EXOC2: variants seen among roughly 807,000 people sequenced by gnomAD.
EXOC2 encodes the protein SEC5-like 1.
In EXOC2, 70 loss-of-function variants were observed where a neutral mutation model predicts 131.8. The ratio of observed to expected loss-of-function variants is 0.53; its 90% confidence interval spans 0.44 to 0.65. The LOEUF (loss-of-function observed/expected upper bound fraction) is 0.65. Ranked by LOEUF, EXOC2 falls within the 30% of genes least tolerant of loss-of-function variation. EXOC2 has a pLI of 0.00. For synonymous variants in EXOC2, 411 were observed against 398.4 expected, an observed-to-expected ratio of 1.03 and a Z score of -0.38; for missense variants, 923 against 1,108.6, an observed-to-expected ratio of 0.83 and a Z score of 2.38.
intron 1 of EXOC2, among the ~76,000 whole-genome samples, chr6:690,347 C>A (rs1444095576): frequency 3.3e-5 from 5 of 152,260 alleles, no homozygotes; most frequent in Non-Finnish European, 4.4e-5. Flanking sequence ...CAGAACAAGA[C>A]CCCCTTTCAA....
chr6:487,667 A>C (rs1306955296), intron 27 of EXOC2, among the ~76,000 whole-genome samples: 2 of 152,058 alleles, frequency 1.3e-5, no homozygotes, highest in Non-Finnish European at 2.9e-5. Flanking sequence ...AGCCTCCCAA[A>C]GTGCTGGGAT....
chr6:504,331 T>C (rs1000086600), intron 23 of EXOC2, among the ~76,000 whole-genome samples: 3 of 152,244 alleles, frequency 2.0e-5, no homozygotes, highest in South Asian at 4.1e-4. Context: ...GCATCCGTTA[T>C]GGAAGCGGCT....
At chr6:666,056 T>C (rs531040052) in intron 1 of EXOC2, among the ~76,000 whole-genome samples, 2 of 152,356 alleles carry the variant, frequency 1.3e-5, no homozygotes, top group East Asian at 3.9e-4. Context: ...CATCTAAGGC[T>C]GCTTTCTCAC....
Position 491,132 on chromosome 6 carries a change from CG to C in EXOC2, c.2613del (p.Glu872LysfsTer29). ...AAGAACACTGCCACTTACTTGCTTT[CG>C]GGTGTCAGGTAAACAGCCACAGTGT... ...LRDTVAVYLTPESKSSFKQAL... is the reference protein window; with the variant it reads ...LRDTVAVYLTXESKSSFKQAL... On this transcript the variant is annotated frameshift_variant, in exon 26 of 28. Transcript: ENST00000230449. LOFTEE classifies it high-confidence loss of function. 1 of 1,614,092 alleles carries C rather than the reference CG, an allele frequency of 6.2e-7. No homozygotes were observed. The highest frequency in any genetic ancestry group is 1.1e-5 in the South Asian group (1 of 91,066).
intron 11 of EXOC2, among the ~76,000 whole-genome samples, chr6:588,048 G>A (rs1169855300): frequency 2.0e-5 from 3 of 152,162 alleles, no homozygotes; most frequent in Admixed American, 6.5e-5. Flanking sequence ...TGAAGTCAGC[G>A]TGAGTACATG....
intron 25 of EXOC2, among the ~76,000 whole-genome samples, chr6:491,770 CAATCTTAGAGT>C (rs1763449414): frequency 6.6e-6 from 1 of 152,198 alleles, no homozygotes; most frequent in African/African-American, 2.4e-5. Context: ...ACAGCCAAAA[CAATCTTAGAGT>C]AACACATTTA....
At chr6:608,218 C>G (rs1760524623) in intron 7 of EXOC2, among the ~76,000 whole-genome samples, 1 of 152,238 alleles carries the variant, frequency 6.6e-6, no homozygotes, top group Admixed American at 6.5e-5. Context: ...AACTACGAAC[C>G]CGCCTGGGCG....
chr6:658,429 A>G (rs1016541441), intron 1 of EXOC2, among the ~76,000 whole-genome samples: 1 of 151,978 alleles, frequency 6.6e-6, no homozygotes, highest in Non-Finnish European at 1.5e-5. Context: ...CACCAGCCTG[A>G]TATAGTACAT....
rs1762159246 is a variant in EXOC2 at position 637,604 on chromosome 6, T to C, written c.118+97A>G. On this transcript the variant is annotated intron_variant, in intron 2 of 27. Coordinates refer to ENST00000230449, the MANE Select transcript of EXOC2 (RefSeq NM_018303.6). ...TCTGTAGAGATCACAAAGATGTTTG[T>C]TCTATCACCTTCACTGTTTGAAAAT... is the stretch of plus-strand genomic sequence containing the variant. The C allele has an allele frequency of 4.5e-6, 4 of 881,390 alleles. No individual in the cohort carries two copies. In the South Asian group the frequency reaches 7.4e-5, roughly 16 times the overall value. 54.6% of individuals were successfully genotyped at this position (881,390 alleles called of 1,614,324 possible).
At position 551,449 on chromosome 6, in the gene EXOC2, C is replaced by A. The variant is rs527637079; in HGVS notation, c.2122-2158G>T. 2.6e-5 allele frequency among the ~76,000 whole-genome samples: 4 copies of A among 152,304 alleles called. No individual in the cohort carries two copies. The South Asian group carries it at 8.3e-4, about 32-fold the overall frequency. ...GAGACTAAGGCAGGAGAGAGGAGGC[C>A]CTGCAACCTGCAGAGACACATGTGA... On this transcript the variant is annotated intron_variant, in intron 21 of 27. Coordinates refer to ENST00000230449, the MANE Select transcript of EXOC2 (RefSeq NM_018303.6).
intron 6 of EXOC2, among the ~76,000 whole-genome samples, chr6:615,824 C>T (rs576688901): frequency 1.3e-5 from 2 of 151,806 alleles, no homozygotes; most frequent in South Asian, 2.1e-4. Context: ...AAGTGAAATG[C>T]CTGAATTTTA....
At chr6:658,665 A>ATATTTTATATATATATATATATATATT (rs1374453663) in intron 1 of EXOC2, among the ~76,000 whole-genome samples, 3 of 115,544 alleles carry the variant, frequency 2.6e-5, no homozygotes, top group African/African-American at 9.8e-5. Flanking sequence ...ATATATATAT[A>ATATTTTATATATATATATATATATATT]TTTTTTTTTT....
At position 606,693 on chromosome 6, in the gene EXOC2, T is replaced by C. The variant is rs557078744; in HGVS notation, c.742+3405A>G. On this transcript the variant is annotated intron_variant, in intron 7 of 27. Transcript: ENST00000230449. ...GAGGTTCTCTGAGCATTGCTTCCTT[T>C]GGGACATCTCATGCTTTTCTTCACA... Among the ~76,000 whole-genome samples the C allele has an allele frequency of 7.7e-4, 117 of 152,338 alleles. 1 individual carries two copies. Among genetic ancestry groups the C allele is most frequent in the African/African-American group, 2.7e-3 (114 of 41,582 alleles).
intron 19 of EXOC2, among the ~76,000 whole-genome samples, chr6:555,547 A>G (rs940999805): frequency 6.6e-6 from 1 of 152,178 alleles, no homozygotes; most frequent in Admixed American, 6.5e-5. Context: ...GTTTGTAAAG[A>G]TATATTCCGG....
rs779574024 is a variant in EXOC2, at chr6:572,651, G to C, written c.1319-7C>G. On this transcript the variant is annotated splice_polypyrimidine_tract_variant and splice_region_variant and intron_variant, in intron 12 of 27. Transcript: ENST00000230449. Reference sequence around the variant, plus strand: ...GGAGTTTTGTATCTCCACGCTAAGGGGGAAAAGAATAAAATACTATGATTG... The same window carrying C: ...GGAGTTTTGTATCTCCACGCTAAGGCGGAAAAGAATAAAATACTATGATTG... 19 of 1,610,738 alleles carry C rather than the reference G, an allele frequency of 1.2e-5. No homozygotes were observed. Among genetic ancestry groups the C allele is most frequent in the Non-Finnish European group, 1.6e-5 (19 of 1,179,108 alleles).
intron 25 of EXOC2, among the ~76,000 whole-genome samples, chr6:495,127 CTTTT>C (rs11335527): frequency 4.2e-5 from 5 of 119,614 alleles, no homozygotes; most frequent in Admixed American, 8.7e-5. Flanking sequence ...GGTGAACATT[CTTTT>C]TTTTTTTTTT....
chr6:572,588 C>T lies in EXOC2; in HGVS notation c.1375G>A (p.Val459Ile), dbSNP rs144473674. 2.0e-5 allele frequency: 33 copies of T among 1,613,988 alleles called. No homozygotes were observed. The highest frequency in any genetic ancestry group is 1.6e-4 in the Middle Eastern group (1 of 6,084). Residue 459 changes from valine (V) to isoleucine (I), a missense_variant, in exon 13 of 28, where the codon GTC becomes ATC. Physicochemically the swap from Val to Ile is conservative, Grantham distance 29 (BLOSUM62 3). Coordinates refer to ENST00000230449, the MANE Select transcript of EXOC2 (RefSeq NM_018303.6). ...VAFVEKLTKLVLSQLPNFWKL... is the reference protein window; with the variant it reads ...VAFVEKLTKLILSQLPNFWKL... ...CAGAAGTTAGGCAGCTGGCTCAAGA[C>T]GAGTTTTGTCAATTTTTCAACAAAG...
chr6:561,235 C>T (rs1040520378), intron 17 of EXOC2, among the ~76,000 whole-genome samples: 17 of 152,110 alleles, frequency 1.1e-4, no homozygotes, highest in African/African-American at 3.9e-4. Flanking sequence ...CCCCAGCCCC[C>T]AGAAGACAGT....
intron 25 of EXOC2, among the ~76,000 whole-genome samples, chr6:493,964 T>TCTAC (rs1486579474): frequency 1.3e-5 from 2 of 152,216 alleles, no homozygotes; most frequent in African/African-American, 4.8e-5. Flanking sequence ...GGAGGTAATG[T>TCTAC]GTAGAGAGGG....
Sources: gnomAD v4.1 joint callset for allele counts (sites outside exome capture counted in the v4.1 genomes callset) on GRCh38, gnomAD v4.1.1 for gene constraint, MANE v1.5 for transcripts, NCBI Gene and HGNC (gene_info 2026-07-23, HGNC 2026-07-21) for gene names.